The following CNOT3 variants were observed in gnomAD, a reference collection of about 807,000 sequenced individuals.
CNOT3 encodes CCR4-associated factor 3.
Under a neutral mutation model 89.4 loss-of-function variants are expected in CNOT3, and 2 were observed. That is an observed-to-expected ratio of 0.02 (90% CI 0.01 to 0.07). CNOT3 has a LOEUF of 0.07. CNOT3 is among the 10% of genes least tolerant of loss of function. The probability of loss-of-function intolerance (pLI) is 1.00; values close to 1 mark genes in which losing one functional copy is unlikely to be tolerated. For synonymous variants in CNOT3, 486 were observed against 402.0 expected, an observed-to-expected ratio of 1.21 and a Z score of -2.50; for missense variants, 664 against 1,010.2, an observed-to-expected ratio of 0.66 and a Z score of 4.65.
At chr19:54,150,563 T>C (rs1422643433) in intron 13 of CNOT3, among the ~76,000 whole-genome samples, 6 of 151,874 alleles carry the variant, frequency 4.0e-5, no homozygotes, top group Admixed American at 2.0e-4. Context: ...GGGGGACCAG[T>C]GTGTATGCCC....
At chr19:54,150,541 G>A (rs587662580) in intron 13 of CNOT3, among the ~76,000 whole-genome samples, 2 of 152,308 alleles carry the variant, frequency 1.3e-5, no homozygotes, top group African/African-American at 2.4e-5. Context: ...ATACTGTAGC[G>A]CAGCTTCCAT....
chr19:54,144,241 C>T lies in CNOT3; in HGVS notation c.392C>T (p.Thr131Ile). The T allele has an allele frequency of 6.2e-7, 1 of 1,613,982 alleles. No individual in the cohort carries two copies. The highest frequency in any genetic ancestry group is 8.5e-7 in the Non-Finnish European group (1 of 1,179,880). Residue 131 changes from threonine (T) to isoleucine (I), a missense_variant, in exon 7 of 18, where the codon ACC becomes ATC. This residue lies in a region of CNOT3 where 37 missense variants were observed against 79.5 expected (regional missense o/e 0.47). Coordinates refer to ENST00000221232, the MANE Select transcript of CNOT3 (RefSeq NM_014516.4). This position sits in a 1 kb window ranked among gnomAD's most constrained non-coding sequence, Gnocchi z 4.8. ...KEEVGQWLTN[T>I]IDTLNMQVDQ... ...CTCTTCCTCTCCCTCCCCTAGAATA[C>T]CATCGACACGCTCAACATGCAGGTG... is the stretch of plus-strand genomic sequence containing the variant.
chr19:54,151,631 CCT>C (rs2075117182), intron 13 of CNOT3, among the ~76,000 whole-genome samples: 1 of 152,118 alleles, frequency 6.6e-6, no homozygotes, highest in African/African-American at 2.4e-5. Context: ...AGGAACCAGC[CCT>C]GACTTTGGGG....
chr19:54,143,390 G>T lies in CNOT3; in HGVS notation c.94-52G>T. 5 of 1,555,444 alleles carry T rather than the reference G, an allele frequency of 3.2e-6. No homozygotes were observed. In the South Asian group the frequency reaches 4.5e-5, roughly 14 times the overall value. Reference sequence around the variant, plus strand: ...GCATAAGGAAGAATCACTGGAGTGGGTACTGGGACATCCCCTCCCACACTG... The same window carrying T: ...GCATAAGGAAGAATCACTGGAGTGGTTACTGGGACATCCCCTCCCACACTG... On this transcript the variant is annotated intron_variant, in intron 3 of 17. Transcript: ENST00000221232.
At chr19:54,141,891 C>G (rs1347534569) in intron 1 of CNOT3, 1 of 152,178 alleles carries the variant, frequency 6.6e-6, no homozygotes, top group Admixed American at 6.5e-5. Flanking sequence ...GCCTCTCTTC[C>G]CAGGGCTCCC....
intron 9 of CNOT3, 79 bp from the exon 10 acceptor site, chr19:54,146,522 C>G: frequency 1.2e-6 from 1 of 801,618 alleles, no homozygotes; most frequent in Non-Finnish European, 2.3e-6. Context: ...CCCAGGTCCC[C>G]GGGGCATTCA....
rs2074825896 is a variant in CNOT3 at position 54,148,486 on chromosome 19, T to C, written c.1233T>C (p.Ser411=). Residue 411 remains serine, a synonymous_variant, in exon 11 of 18, where the codon AGT becomes AGC. Transcript: ENST00000221232. This position sits in a 1 kb window ranked among gnomAD's most constrained non-coding sequence, Gnocchi z 6.3. ...GGSGGGGSSS[S]SNSSAGGGAG... The stretch of plus-strand genomic sequence containing the variant: ...GCGGAGGCGGAGGGAGCAGCAGCAG[T>C]AGTAACAGCAGTGCCGGTGGAGGGG... 6.4e-7 allele frequency: 1 copy of C among 1,559,324 alleles called. No individual in the cohort carries two copies. The highest frequency in any genetic ancestry group is 1.8e-5 in the Admixed American group (1 of 55,388).
At chr19:54,140,670 C>T (rs762763155) in intron 1 of CNOT3, among the ~76,000 whole-genome samples, 10 of 152,190 alleles carry the variant, frequency 6.6e-5, no homozygotes, top group East Asian at 1.9e-4. Context: ...TGCCCCTTCT[C>T]TGTGGAGGAG....
intron 13 of CNOT3, 73 bp downstream of exon 13, chr19:54,149,831 C>T (rs2074962780): frequency 1.4e-6 from 2 of 1,406,108 alleles, no homozygotes; most frequent in Admixed American, 2.3e-5. Flanking sequence ...TCTCTAGCTG[C>T]ACCCCTTGCC....
chr19:54,148,069 G>A lies in CNOT3; in HGVS notation c.895-79G>A, dbSNP rs2074781051. On this transcript the variant is annotated intron_variant, in intron 10 of 17. Coordinates refer to ENST00000221232, the MANE Select transcript of CNOT3 (RefSeq NM_014516.4). This position sits in a 1 kb window ranked among gnomAD's most constrained non-coding sequence, Gnocchi z 6.3. The stretch of plus-strand genomic sequence containing the variant: ...CCAGAGAGGAGGCTGCTGGGACAAA[G>A]ATGGAGCCTGAGGTGGGGGTGGTGA... 3.4e-6 allele frequency: 4 copies of A among 1,166,378 alleles called. No individual in the cohort carries two copies. Among genetic ancestry groups the A allele is most frequent in the Non-Finnish European group, 4.6e-6 (4 of 871,958 alleles). The allele number at this position is 1,166,378 out of a possible 1,614,324, so 72.3% of individuals were successfully genotyped here.
At chr19:54,153,265 C>T (rs574101003) in intron 16 of CNOT3, 1 of 762,560 alleles carries the variant, frequency 1.3e-6, no homozygotes, top group African/African-American at 1.7e-5. Context: ...TGCCCACTGG[C>T]TCACCCGCGG....
intron 1 of CNOT3, among the ~76,000 whole-genome samples, chr19:54,139,079 A>G (rs1358172311): frequency 2.0e-5 from 3 of 152,150 alleles, no homozygotes; most frequent in Non-Finnish European, 4.4e-5. Flanking sequence ...CACGCTGTCC[A>G]TGTTAGTGAG....
chr19:54,153,030 C>A, intron 16 of CNOT3, 31 bp downstream of exon 16: 1 of 1,581,184 alleles, frequency 6.3e-7, no homozygotes, highest in Non-Finnish European at 8.6e-7. Flanking sequence ...CAGCCTCGGG[C>A]CCCCCGGCTT....
Position 54,149,589 on chromosome 19 carries a change from G to T in CNOT3, c.1436G>T (p.Gly479Val). The T allele has an allele frequency of 3.7e-6, 6 of 1,603,904 alleles. No individual in the cohort carries two copies. Among genetic ancestry groups the T allele is most frequent in the Non-Finnish European group, 5.1e-6 (6 of 1,173,982 alleles). Residue 479 changes from glycine (G) to valine (V), a missense_variant, in exon 13 of 18, where the codon GGG (glycine) becomes GTG (valine). Gly to Val is a moderately radical substitution (Grantham distance 109). Transcript: ENST00000221232. ...GAACCCAGTGCGGCAGCCCCAACGGGGGCTGGGGGCGTGGCCCCAGGCTCA... is the reference window on the plus strand; with the variant it reads ...GAACCCAGTGCGGCAGCCCCAACGGTGGCTGGGGGCGTGGCCCCAGGCTCA... ...SKEPSAAAPT[G>V]AGGVAPGSGN...
Position 54,155,591 on chromosome 19 carries a change from C to A in CNOT3, c.*184C>A, listed in dbSNP as rs992538697. 17 of 1,064,454 alleles carry A rather than the reference C, an allele frequency of 1.6e-5. No individual in the cohort carries two copies. Among genetic ancestry groups the A allele is most frequent in the Non-Finnish European group, 2.2e-5 (16 of 742,806 alleles). The allele number at this position is 1,064,454 out of a possible 1,614,324, so 65.9% of individuals were successfully genotyped here. A position where few individuals can be genotyped will look rare whatever the true frequency, so the allele number is the denominator to read the frequency against. On this transcript the variant is annotated 3_prime_UTR_variant, in exon 18 of 18. Transcript: ENST00000221232. ...CACCCTGGGGGCCCGGGGGCGAGGG[C>A]TGCCCCCTCCTCCCCTCCCCAGTGA... is the stretch of plus-strand genomic sequence containing the variant.
chr19:54,153,847 GC>G lies in CNOT3; in HGVS notation c.2163+11del. 1 of 1,614,116 alleles carries G rather than the reference GC, an allele frequency of 6.2e-7. No individual in the cohort carries two copies. The highest frequency in any genetic ancestry group is 1.1e-5 in the South Asian group (1 of 91,080). Reference sequence around the variant, plus strand: ...CACTGACGAGTTTGAGCAGGTGAGGGCCCCGCCCCCTCTCTTCCCGCTGCTA... The same window carrying G: ...CACTGACGAGTTTGAGCAGGTGAGGGCCCGCCCCCTCTCTTCCCGCTGCTA... On this transcript the variant is annotated splice_region_variant and intron_variant, in intron 17 of 17. Transcript: ENST00000221232.
chr19:54,150,535 T>C (rs1457387117), intron 13 of CNOT3, among the ~76,000 whole-genome samples: 1 of 111,586 alleles, frequency 9.0e-6, no homozygotes, highest in Non-Finnish European at 2.1e-5. Flanking sequence ...GCCAGTATAC[T>C]GTAGCGCAGC....
intron 16 of CNOT3, 190 bp downstream of exon 16, chr19:54,153,189 T>A (rs1472158699): frequency 1.3e-6 from 1 of 766,024 alleles, no homozygotes; most frequent in South Asian, 1.3e-5. Flanking sequence ...AGCCCAGAGA[T>A]GTTAGAACTG....
chr19:54,155,583 G>A lies in CNOT3; in HGVS notation c.*176G>A, dbSNP rs2075360654. On this transcript the variant is annotated 3_prime_UTR_variant, in exon 18 of 18. Transcript: ENST00000221232. ...CTCAGCCCCACCCTGGGGGCCCGGG[G>A]GCGAGGGCTGCCCCCTCCTCCCCTC... is the stretch of plus-strand genomic sequence containing the variant. The A allele has an allele frequency of 9.7e-7, 1 of 1,027,002 alleles. No homozygotes were observed. 63.6% of individuals were successfully genotyped at this position (1,027,002 alleles called of 1,614,324 possible).
Sources: gnomAD v4.1 joint callset for allele counts (sites outside exome capture counted in the v4.1 genomes callset) on GRCh38, gnomAD v4.1.1 for gene constraint, gnomAD v4.1.1 regional missense constraint, Gnocchi (gnomAD v3.1) non-coding constraint, MANE v1.5 for transcripts, NCBI Gene and HGNC (gene_info 2026-07-23, HGNC 2026-07-21) for gene names.